Variants in REEP1 observed in about 807,000 individuals in gnomAD.
REEP1 encodes receptor accessory protein 1.
Under a neutral mutation model 40.3 loss-of-function variants are expected in REEP1, and 22 were observed. The observed-to-expected ratio is 0.55, with a 90% CI of 0.39 to 0.78. The LOEUF is 0.78. Ranked by LOEUF, REEP1 falls within the 30% of genes least tolerant of loss-of-function variation. The probability of loss-of-function intolerance (pLI) is 0.00; values close to 1 mark genes in which losing one functional copy is unlikely to be tolerated. For missense variants in REEP1, 280 were observed against 361.1 expected (o/e 0.78, Z 1.82); for synonymous variants, 116 against 139.2 (o/e 0.83, Z 1.17).
At chr2:86,311,235 C>T (rs1031891912) in intron 1 of REEP1, among the ~76,000 whole-genome samples, 1 of 152,164 alleles carries the variant, frequency 6.6e-6, no homozygotes, top group Non-Finnish European at 1.5e-5. Context: ...ATACCGGGAG[C>T]CTGCACCAGT....
At chr2:86,290,857 G>A (rs1678659325) in intron 1 of REEP1, among the ~76,000 whole-genome samples, 1 of 152,154 alleles carries the variant, frequency 6.6e-6, no homozygotes, top group Admixed American at 6.5e-5. Flanking sequence ...TGGTTGCCAT[G>A]GGTCCCAACC....
intron 2 of REEP1, among the ~76,000 whole-genome samples, chr2:86,275,700 C>T (rs1484240542): frequency 6.6e-6 from 1 of 152,252 alleles, no homozygotes; most frequent in East Asian, 1.9e-4. Flanking sequence ...CCGTCAGCCT[C>T]CTGACTGGCC....
intron 1 of REEP1, among the ~76,000 whole-genome samples, chr2:86,315,102 T>C (rs534677163): frequency 2.0e-5 from 3 of 151,548 alleles, no homozygotes; most frequent in Non-Finnish European, 2.9e-5. Flanking sequence ...CCCTGGAGGG[T>C]CTAAGAGGGT....
At chr2:86,270,367 T>C (rs1404223772) in intron 2 of REEP1, among the ~76,000 whole-genome samples, 1 of 152,208 alleles carries the variant, frequency 6.6e-6, no homozygotes, top group East Asian at 1.9e-4. Flanking sequence ...TGGCTAATTT[T>C]GTATTTTTAG....
At chr2:86,233,619 G>A (rs1191854788) in intron 5 of REEP1, among the ~76,000 whole-genome samples, 1 of 152,150 alleles carries the variant, frequency 6.6e-6, no homozygotes, top group East Asian at 1.9e-4. Context: ...AAGGCTCAGG[G>A]ATGGTGGCAT....
chr2:86,225,712 C>A (rs1468976075), intron 7 of REEP1, among the ~76,000 whole-genome samples: 1 of 152,230 alleles, frequency 6.6e-6, no homozygotes, highest in African/African-American at 2.4e-5. Context: ...GCATGTCATG[C>A]CTCCGCGGCA....
At chr2:86,248,258 A>C (rs1472382676) in intron 5 of REEP1, among the ~76,000 whole-genome samples, 2 of 152,132 alleles carry the variant, frequency 1.3e-5, no homozygotes, top group East Asian at 1.9e-4. Context: ...TCTCTCTTGC[A>C]TCCCTTTCAC....
intron 1 of REEP1, among the ~76,000 whole-genome samples, chr2:86,283,412 C>G (rs1487684560): frequency 1.3e-5 from 2 of 152,216 alleles, no homozygotes; most frequent in Non-Finnish European, 2.9e-5. Flanking sequence ...TATGAGCTGA[C>G]ATCTCCTGTG....
chr2:86,278,975 G>A (rs981610356), intron 2 of REEP1, among the ~76,000 whole-genome samples: 7 of 152,204 alleles, frequency 4.6e-5, no homozygotes, highest in African/African-American at 7.2e-5. Flanking sequence ...AATGTCTTGA[G>A]CAATGTTTCT....
At chr2:86,234,183 G>A (rs1675170631) in intron 5 of REEP1, among the ~76,000 whole-genome samples, 1 of 151,952 alleles carries the variant, frequency 6.6e-6, no homozygotes. Flanking sequence ...TTCATTAGAG[G>A]GGAGGGGGAA....
chr2:86,271,291 C>T (rs1478265901), intron 2 of REEP1, among the ~76,000 whole-genome samples: 1 of 149,286 alleles, frequency 6.7e-6, no homozygotes, highest in Admixed American at 6.7e-5. Context: ...GAAAACCATA[C>T]CTAGGCAAGT....
chr2:86,256,888 C>T (rs114632079), intron 3 of REEP1, among the ~76,000 whole-genome samples: 2,446 of 152,194 alleles, frequency 0.016, 55 homozygotes, highest in African/African-American at 0.053. Flanking sequence ...CCCAGATAAA[C>T]GATCAGAAAA....
At chr2:86,225,713 C>T (rs1674644690) in intron 7 of REEP1, among the ~76,000 whole-genome samples, 1 of 152,214 alleles carries the variant, frequency 6.6e-6, no homozygotes, top group African/African-American at 2.4e-5. Context: ...CATGTCATGC[C>T]TCCGCGGCAC....
chr2:86,226,075 T>TCACCACCACCACCACCAC lies in REEP1; in HGVS notation c.631+1270_631+1287dup, dbSNP rs70956105. 1.7e-3 allele frequency among the ~76,000 whole-genome samples: 195 copies of TCACCACCACCACCACCAC among 111,882 alleles called. 6 individuals are homozygous for TCACCACCACCACCACCAC. The highest frequency in any genetic ancestry group is 3.6e-3 in the South Asian group (10 of 2,792). The allele number at this position is 111,882 out of a possible 152,430, so 73.4% of individuals were successfully genotyped here. A position where few individuals can be genotyped will look rare whatever the true frequency, so the allele number is the denominator to read the frequency against. On this transcript the variant is annotated intron_variant, in intron 7 of 8. Transcript: ENST00000538924. ...GGGGTCTCCTGGATGCTCCAGGCTA[T>TCACCACCACCACCACCAC]CACCACCACCACCACCACCACCACC...
At chr2:86,296,996 C>A (rs895798922) in intron 1 of REEP1, among the ~76,000 whole-genome samples, 15 of 152,318 alleles carry the variant, frequency 9.8e-5, no homozygotes, top group Admixed American at 5.2e-4. Context: ...CGTGGATCTA[C>A]CCCCTCCCTC....
intron 1 of REEP1, among the ~76,000 whole-genome samples, chr2:86,304,360 G>A (rs1416226958): frequency 6.6e-6 from 1 of 152,182 alleles, no homozygotes; most frequent in East Asian, 1.9e-4. Flanking sequence ...GACTACGGAT[G>A]CCACCACAAT....
intron 5 of REEP1, among the ~76,000 whole-genome samples, chr2:86,244,756 G>A (rs992320223): frequency 6.6e-5 from 10 of 152,236 alleles, no homozygotes; most frequent in African/African-American, 2.4e-4. Flanking sequence ...GAACCCTGGA[G>A]GGTTAACAAA....
At chr2:86,245,139 C>T (rs568217999) in intron 5 of REEP1, among the ~76,000 whole-genome samples, 4 of 151,298 alleles carry the variant, frequency 2.6e-5, no homozygotes, top group African/African-American at 4.9e-5. Context: ...AGTGAGACAC[C>T]GTCTCAAAAA....
chr2:86,295,357 T>C (rs905647347), intron 1 of REEP1, among the ~76,000 whole-genome samples: 3 of 152,202 alleles, frequency 2.0e-5, no homozygotes, highest in African/African-American at 7.2e-5. Context: ...CCAAGGGCCC[T>C]GGCCACCATG....
Sources: allele counts gnomAD v4.1 joint callset (sites outside exome capture counted in the v4.1 genomes callset), GRCh38; gene constraint gnomAD v4.1.1; transcripts MANE v1.5; gene names NCBI Gene and HGNC (gene_info 2026-07-23, HGNC 2026-07-21).